Variants in BRINP1 observed in about 807,000 individuals in gnomAD.
BRINP1 encodes BMP/retinoic acid inducible neural specific 1.
BRINP1 carries 17 observed loss-of-function variants against 72.9 expected under a neutral mutation model. The observed-to-expected ratio is 0.23, with a 90% CI of 0.16 to 0.35. The LOEUF (loss-of-function observed/expected upper bound fraction) is 0.35, where lower values mean the gene tolerates loss of function less well. Ranked by LOEUF, BRINP1 falls within the 10% of genes least tolerant of loss-of-function variation. The pLI, the probability that BRINP1 is intolerant of heterozygous loss-of-function variation, is 1.00. For synonymous variants in BRINP1, 418 were observed against 378.5 expected, an observed-to-expected ratio of 1.10 and a Z score of -1.21; for missense variants, 850 against 1,001.6, an observed-to-expected ratio of 0.85 and a Z score of 2.04.
rs764781191 is a variant in BRINP1 at position 119,167,482 on chromosome 9, G to T, written c.1888C>A (p.Arg630=). The part of the protein sequence containing the change: ...RSRTRLPTLL[R]NETGQGPVDL... ...ACGGGGCCCTGGCCAGTCTCATTTCGCAGTAGGGTAGGTAGCCGAGTCCGA... is the reference window on the plus strand; with the variant it reads ...ACGGGGCCCTGGCCAGTCTCATTTCTCAGTAGGGTAGGTAGCCGAGTCCGA... Residue 630 remains arginine, a synonymous_variant, in exon 8 of 8, where the codon CGA becomes AGA. Coordinates refer to ENST00000265922, the MANE Select transcript of BRINP1 (RefSeq NM_014618.3). The surrounding 1 kb of genome is among the most constrained non-coding windows in gnomAD (Gnocchi z 4.3). The T allele has an allele frequency of 3.2e-5, 51 of 1,614,124 alleles. No homozygotes were observed. The highest frequency in any genetic ancestry group is 4.0e-5 in the Non-Finnish European group (47 of 1,180,018).
intron 1 of BRINP1, among the ~76,000 whole-genome samples, chr9:119,321,594 C>T (rs371291823): frequency 6.6e-6 from 1 of 152,206 alleles, no homozygotes; most frequent in East Asian, 1.9e-4. Flanking sequence ...CCTGCATCAG[C>T]CTCCCCACTA....
intron 1 of BRINP1, among the ~76,000 whole-genome samples, chr9:119,318,579 C>T (rs1444842409): frequency 2.6e-5 from 4 of 152,042 alleles, no homozygotes; most frequent in South Asian, 4.2e-4. Flanking sequence ...GTAACAACTA[C>T]GGCTGCCAAA....
At chr9:119,344,325 C>T (rs986900220) in intron 1 of BRINP1, among the ~76,000 whole-genome samples, 1 of 152,100 alleles carries the variant, frequency 6.6e-6, no homozygotes, top group Admixed American at 6.6e-5. Flanking sequence ...CATATAAATA[C>T]ATATGTATAA....
At chr9:119,187,479 A>C (rs1448918520) in intron 7 of BRINP1, among the ~76,000 whole-genome samples, 2 of 152,042 alleles carry the variant, frequency 1.3e-5, no homozygotes, top group African/African-American at 4.8e-5. Context: ...AAGAAGTTGC[A>C]TGATGGCTAC....
intron 2 of BRINP1, among the ~76,000 whole-genome samples, chr9:119,264,122 C>G (rs1213354394): frequency 6.6e-6 from 1 of 152,186 alleles, no homozygotes; most frequent in Admixed American, 6.5e-5. Context: ...TATTACTTCA[C>G]CCTGTTTCAT....
At chr9:119,305,000 C>A (rs1474714156) in intron 2 of BRINP1, among the ~76,000 whole-genome samples, 2 of 152,198 alleles carry the variant, frequency 1.3e-5, no homozygotes, top group African/African-American at 2.4e-5. Context: ...CAGGTTCTAA[C>A]CTGATTAACA....
intron 1 of BRINP1, among the ~76,000 whole-genome samples, chr9:119,355,382 T>C (rs926569302): frequency 1.3e-5 from 2 of 152,190 alleles, no homozygotes; most frequent in African/African-American, 4.8e-5. Context: ...GCGACATTCA[T>C]TCTCAACAGC....
intron 1 of BRINP1, among the ~76,000 whole-genome samples, chr9:119,340,034 C>T (rs1415094052): frequency 6.6e-6 from 1 of 152,138 alleles, no homozygotes; most frequent in Non-Finnish European, 1.5e-5. Context: ...AATTCACCTT[C>T]CCAAGCCACT....
chr9:119,293,492 A>G (rs562602565), intron 2 of BRINP1, among the ~76,000 whole-genome samples: 1 of 152,236 alleles, frequency 6.6e-6, no homozygotes, highest in Non-Finnish European at 1.5e-5. Context: ...AGTGATAATA[A>G]GGGACCCATG....
intron 4 of BRINP1, 138 bp from the exon 5 acceptor site, chr9:119,238,898 G>A (rs758006102): frequency 2.3e-5 from 13 of 571,858 alleles, no homozygotes; most frequent in African/African-American, 5.7e-5. Context: ...TCTGAGCTTC[G>A]TGCTTGTGTC....
chr9:119,354,837 C>G (rs191984687), intron 1 of BRINP1, among the ~76,000 whole-genome samples: 67 of 152,276 alleles, frequency 4.4e-4, no homozygotes, highest in African/African-American at 1.2e-3. Context: ...TCACTGCACT[C>G]CAGCATGGGC....
chr9:119,308,294 T>A (rs1264254482), intron 2 of BRINP1, among the ~76,000 whole-genome samples: 1 of 152,220 alleles, frequency 6.6e-6, no homozygotes, highest in African/African-American at 2.4e-5. Context: ...GCTCTTTTAC[T>A]GCATGATATC....
chr9:119,223,153 T>G (rs1035208353), intron 5 of BRINP1, among the ~76,000 whole-genome samples: 3 of 152,106 alleles, frequency 2.0e-5, no homozygotes, highest in Non-Finnish European at 4.4e-5. Flanking sequence ...GCTTAACTTC[T>G]CTGATCCCCA....
chr9:119,167,006 T>G lies in BRINP1; in HGVS notation c.*78A>C. The G allele has an allele frequency of 7.0e-7, 1 of 1,438,344 alleles. No individual in the cohort carries two copies. 89.1% of individuals were successfully genotyped at this position (1,438,344 alleles called of 1,614,324 possible). ...TACATTTTACAAATTTTTGTGGGTT[T>G]TTTTGTTTTGTTTTGCTTCATTTTG... On this transcript the variant is annotated 3_prime_UTR_variant, in exon 8 of 8. Transcript: ENST00000265922. This position sits in a 1 kb window ranked among gnomAD's most constrained non-coding sequence, Gnocchi z 4.3.
intron 1 of BRINP1, among the ~76,000 whole-genome samples, chr9:119,354,153 T>A (rs1386160663): frequency 2.6e-5 from 4 of 152,178 alleles, no homozygotes; most frequent in Admixed American, 2.6e-4. Flanking sequence ...TATACATTTT[T>A]TGACATGCCT....
At chr9:119,256,331 A>T (rs1830448576) in intron 2 of BRINP1, among the ~76,000 whole-genome samples, 1 of 152,208 alleles carries the variant, frequency 6.6e-6, no homozygotes, top group Admixed American at 6.5e-5. Context: ...TGGTGGAGTG[A>T]GAAGGGAAAG....
chr9:119,314,379 T>G (rs1831104218), intron 1 of BRINP1, among the ~76,000 whole-genome samples: 1 of 152,200 alleles, frequency 6.6e-6, no homozygotes, highest in African/African-American at 2.4e-5. Flanking sequence ...AGTTTTGTTT[T>G]GTTTGAGACG....
At chr9:119,318,265 C>T (rs1169927444) in intron 1 of BRINP1, among the ~76,000 whole-genome samples, 2 of 152,136 alleles carry the variant, frequency 1.3e-5, no homozygotes, top group African/African-American at 4.8e-5. Flanking sequence ...CATCTATATA[C>T]ATGATTAAAT....
At chr9:119,196,863 C>T (rs754453049) in intron 7 of BRINP1, among the ~76,000 whole-genome samples, 1 of 152,228 alleles carries the variant, frequency 6.6e-6, no homozygotes, top group African/African-American at 2.4e-5. Context: ...TAATCCCACA[C>T]TCTATTCTTC....
Sources: gnomAD v4.1 joint callset for allele counts (sites outside exome capture counted in the v4.1 genomes callset) on GRCh38, gnomAD v4.1.1 for gene constraint, Gnocchi (gnomAD v3.1) non-coding constraint, MANE v1.5 for transcripts, NCBI Gene and HGNC (gene_info 2026-07-23, HGNC 2026-07-21) for gene names.